TULP1: variants seen among roughly 807,000 people sequenced by gnomAD.
TULP1 encodes the protein TUB like protein 1, also known as tubby-related protein 1.
A neutral mutation model predicts 67.1 loss-of-function variants in TULP1; 50 were observed. That is an observed-to-expected ratio of 0.75 (90% CI 0.59 to 0.94). The LOEUF (loss-of-function observed/expected upper bound fraction) is 0.94, where lower values mean the gene tolerates loss of function less well. Among genes scored for constraint, TULP1 ranks in the 40% least tolerant of loss-of-function variants. The pLI, the probability that TULP1 is intolerant of heterozygous loss-of-function variation, is 0.00. For missense variants in TULP1, 746 were observed against 734.1 expected, an observed-to-expected ratio of 1.02 and a Z score of -0.19; for synonymous variants, 297 against 294.0, an observed-to-expected ratio of 1.01 and a Z score of -0.11.
In TULP1 at chr6:35,512,287, A is replaced by AAGAGG; in HGVS notation, c.100-22_100-18dup. On this transcript the variant is annotated splice_polypyrimidine_tract_variant and intron_variant, in intron 2 of 14. Transcript: ENST00000229771. ...GGCGGGTCGCTGCGGAACGGGGGTC[A>AAGAGG]AGAGGAGGTCGAGGAAGGAAAGGGG... The AAGAGG allele has an allele frequency of 7.3e-7, 1 of 1,364,058 alleles. No individual in the cohort carries two copies. Among genetic ancestry groups the AAGAGG allele is most frequent in the South Asian group, 1.8e-5 (1 of 54,704 alleles). 84.5% of individuals were successfully genotyped at this position (1,364,058 alleles called of 1,614,324 possible). A position where few individuals can be genotyped will look rare whatever the true frequency, so the allele number is the denominator to read the frequency against.
In TULP1 at chr6:35,503,880, G is replaced by A. The variant is rs1468499328; in HGVS notation, c.1113-32C>T. 6.5e-7 allele frequency: 1 copy of A among 1,543,552 alleles called. No homozygotes were observed. The highest frequency in any genetic ancestry group is 2.3e-5 in the East Asian group (1 of 43,120). ...GCAGGGTAGAGCTTGGGGTGGGGCT[G>A]AGGGGATCCTACATCCCTGCCCCAG... is the stretch of plus-strand genomic sequence containing the variant. On this transcript the variant is annotated intron_variant, in intron 11 of 14. Transcript: ENST00000229771. The surrounding 1 kb of genome is among the most constrained non-coding windows in gnomAD (Gnocchi z 4.0).
chr6:35,512,095 TC>T (rs2150928685), intron 3 of TULP1, 84 bp downstream of exon 3: 2 of 693,314 alleles, frequency 2.9e-6, no homozygotes, highest in South Asian at 5.0e-5. Context: ...GTTCCAGGGC[TC>T]GGCGACACCC....
chr6:35,506,175 T>G lies in TULP1; in HGVS notation c.829-2A>C. 6.2e-7 allele frequency: 1 copy of G among 1,613,430 alleles called. No homozygotes were observed. The highest frequency in any genetic ancestry group is 1.1e-5 in the South Asian group (1 of 91,066). ...GGGAGACGGGGCCCTCTCCTCCTTC[T>G]GGGTGGGGGCAGAGGGTACATCAGC... On this transcript the variant is annotated splice_acceptor_variant, in intron 9 of 14. Coordinates refer to ENST00000229771, the MANE Select transcript of TULP1 (RefSeq NM_003322.6). LOFTEE classifies it high-confidence loss of function.
At position 35,498,410 on chromosome 6, in the gene TULP1, G is replaced by C. The variant is rs1345275814; in HGVS notation, c.1546C>G (p.Leu516Val). The change falls in exon 15 of 15, where the codon CTA (leucine) becomes GTA (valine). Residue 516 changes from leucine (L) to valine (V), a missense_variant. This residue lies in a region of TULP1 where 383 missense variants were observed against 374.1 expected (regional missense o/e 1.02). Coordinates refer to ENST00000229771, the MANE Select transcript of TULP1 (RefSeq NM_003322.6). The surrounding 1 kb of genome is among the most constrained non-coding windows in gnomAD (Gnocchi z 6.7). ...GCGCACAGCGGGTACCGGTAGTCTA[G>C]GGTGAAGGCGTCCTCCGCCACGCGG... ...FGRVAEDAFTLDYRYPLCALQ... is the reference protein window; with the variant it reads ...FGRVAEDAFTVDYRYPLCALQ... 2 of 1,613,854 alleles carry C rather than the reference G, an allele frequency of 1.2e-6. No individual in the cohort carries two copies. Among genetic ancestry groups the C allele is most frequent in the African/African-American group, 1.3e-5 (1 of 74,950 alleles).
At position 35,505,989 on chromosome 6, in the gene TULP1, C is replaced by T. The variant is rs376466075; in HGVS notation, c.999+14G>A. Reference sequence around the variant, plus strand: ...CCCTCCACACTCCCTCCTCTGCTGCCTCTCCCCACCCACCTTCTTCTCCGT... The same window carrying T: ...CCCTCCACACTCCCTCCTCTGCTGCTTCTCCCCACCCACCTTCTTCTCCGT... On this transcript the variant is annotated intron_variant, in intron 10 of 14. Transcript: ENST00000229771. 1.1e-5 allele frequency: 17 copies of T among 1,614,010 alleles called. No individual in the cohort carries two copies. The highest frequency in any genetic ancestry group is 1.7e-5 in the Admixed American group (1 of 60,012).
At position 35,506,048 on chromosome 6, in the gene TULP1, T is replaced by C; in HGVS notation, c.954A>G (p.Arg318=). 6.2e-7 allele frequency: 1 copy of C among 1,613,858 alleles called. No homozygotes were observed. The highest frequency in any genetic ancestry group is 1.3e-5 in the African/African-American group (1 of 75,036). Residue 318 remains arginine (R), a synonymous_variant, in exon 10 of 15, where the codon CGA becomes CGG. Coordinates refer to ENST00000229771, the MANE Select transcript of TULP1 (RefSeq NM_003322.6). ...GCAGGAAGTAGGAGGGATACATGCC[T>C]CGATCCATGCCCTTTTTGTCCCGGG... is the stretch of plus-strand genomic sequence containing the variant. ...RLTRDKKGMD[R]GMYPSYFLHL...
In TULP1 at chr6:35,512,377, G is replaced by T. The variant is rs528758725; in HGVS notation, c.100-107C>A. The T allele has an allele frequency of 1.3e-4, 89 of 687,980 alleles. 3 individuals carry two copies. Among genetic ancestry groups the T allele is most frequent in the African/African-American group, 1.2e-3 (66 of 55,552 alleles). 42.6% of individuals were successfully genotyped at this position (687,980 alleles called of 1,614,324 possible). The stretch of plus-strand genomic sequence containing the variant: ...CGCCAGAAATAACCGCAGATTATCC[G>T]GGGGGAACTGCAGCCCCCTTCTTGG... On this transcript the variant is annotated intron_variant, in intron 2 of 14. Coordinates refer to ENST00000229771, the MANE Select transcript of TULP1 (RefSeq NM_003322.6).
At position 35,498,059 on chromosome 6, in the gene TULP1, G is replaced by T. The variant is rs114707578; in HGVS notation, c.*268C>A. 0.014 allele frequency: 8,047 copies of T among 594,542 alleles called. 327 individuals carry two copies. Among genetic ancestry groups the T allele is most frequent in the African/African-American group, 0.11 (6,044 of 53,758 alleles). The allele number at this position is 594,542 out of a possible 1,614,324, so 36.8% of individuals were successfully genotyped here. Reference sequence around the variant, plus strand: ...TGACTGGGGCGCGGGGAGGAGGGGGGCACAGCGGCGCAGGCGAGCTCCGAG... The same window carrying T: ...TGACTGGGGCGCGGGGAGGAGGGGGTCACAGCGGCGCAGGCGAGCTCCGAG... On this transcript the variant is annotated 3_prime_UTR_variant, in exon 15 of 15. Coordinates refer to ENST00000229771, the MANE Select transcript of TULP1 (RefSeq NM_003322.6). The surrounding 1 kb of genome is among the most constrained non-coding windows in gnomAD (Gnocchi z 6.7).
chr6:35,500,472 C>T (rs1279410018), intron 13 of TULP1, among the ~76,000 whole-genome samples: 3 of 152,144 alleles, frequency 2.0e-5, no homozygotes, highest in Admixed American at 6.5e-5. Context: ...TACCTAATGA[C>T]AGGATGAGCC....
At position 35,506,258 on chromosome 6, in the gene TULP1, C is replaced by T. The variant is rs1356387988; in HGVS notation, c.828+16G>A. ...TCCCAGTGCTGAGACACGGGCAGCCCGGCAGGACAACTCACCGCTTTCTGT... is the reference window on the plus strand; with the variant it reads ...TCCCAGTGCTGAGACACGGGCAGCCTGGCAGGACAACTCACCGCTTTCTGT... On this transcript the variant is annotated intron_variant, in intron 9 of 14. Transcript: ENST00000229771. 16 of 1,593,994 alleles carry T rather than the reference C, an allele frequency of 1.0e-5. No homozygotes were observed. The highest frequency in any genetic ancestry group is 1.8e-5 in the Admixed American group (1 of 56,200).
In TULP1 at chr6:35,512,656, G is replaced by A; in HGVS notation, c.82C>T (p.Pro28Ser). The part of the protein sequence containing the change: ...HEEESLSPEA[P>S]RRPKQRPAPA... ...TGGCATACCTGTTTGGGGCGCCGCG[G>A]GGCCTCCGGGCTCAGGCTTTCTTCT... Residue 28 changes from proline (P) to serine (S), a missense_variant, in exon 2 of 15, where the codon CCG becomes TCG. Around this residue, in one of 3 missense-constraint regions of TULP1, gnomAD observed 359 missense variants for 341.9 expected, o/e 1.05. Coordinates refer to ENST00000229771, the MANE Select transcript of TULP1 (RefSeq NM_003322.6). The A allele has an allele frequency of 6.2e-7, 1 of 1,613,926 alleles. No individual in the cohort carries two copies. The highest frequency in any genetic ancestry group is 8.5e-7 in the Non-Finnish European group (1 of 1,179,972).
chr6:35,511,066 G>A (rs1156284942), intron 4 of TULP1, 56 bp from the exon 5 acceptor site: 1 of 1,597,416 alleles, frequency 6.3e-7, no homozygotes, highest in South Asian at 1.1e-5. Flanking sequence ...CTTATCTGGG[G>A]AGCCCAGTTC....
chr6:35,503,665 G>A lies in TULP1; in HGVS notation c.1225-8C>T, dbSNP rs1761019533. 1 of 1,597,446 alleles carries A rather than the reference G, an allele frequency of 6.3e-7. No homozygotes were observed. The highest frequency in any genetic ancestry group is 1.7e-5 in the Admixed American group (1 of 57,602). ...GCCCAGCACGTTGGTTTCCTGGGAAGGAAACAGATGCCTGTGAGGCCAGCC... is the reference window on the plus strand; with the variant it reads ...GCCCAGCACGTTGGTTTCCTGGGAAAGAAACAGATGCCTGTGAGGCCAGCC... On this transcript the variant is annotated splice_polypyrimidine_tract_variant and splice_region_variant and intron_variant, in intron 12 of 14. Coordinates refer to ENST00000229771, the MANE Select transcript of TULP1 (RefSeq NM_003322.6). This position sits in a 1 kb window ranked among gnomAD's most constrained non-coding sequence, Gnocchi z 4.0.
At chr6:35,512,591 G>T in intron 2 of TULP1, 48 bp downstream of exon 2, 1 of 1,613,010 alleles carries the variant, frequency 6.2e-7, no homozygotes, top group Non-Finnish European at 8.5e-7. Context: ...GTGGGTTTAC[G>T]CACAGCGGGG....
At position 35,506,149 on chromosome 6, in the gene TULP1, G is replaced by T; in HGVS notation, c.853C>A (p.Pro285Thr). 6.2e-7 allele frequency: 1 copy of T among 1,613,552 alleles called. No homozygotes were observed. Among genetic ancestry groups the T allele is most frequent in the East Asian group, 2.2e-5 (1 of 44,882 alleles). Residue 285 changes from proline to threonine, a missense_variant, in exon 10 of 15, where the codon CCC becomes ACC. Physicochemically the swap from Pro to Thr is conservative, Grantham distance 38. Around this residue, in one of 3 missense-constraint regions of TULP1, gnomAD observed 383 missense variants for 374.1 expected, o/e 1.02. Transcript: ENST00000229771. ...TCCCGGGGTTCGTCCACCTCCACGGGGGGAGACGGGGCCCTCTCCTCCTTC... is the reference window on the plus strand; with the variant it reads ...TCCCGGGGTTCGTCCACCTCCACGGTGGGAGACGGGGCCCTCTCCTCCTTC... ...KAKEERAPSP[P>T]VEVDEPREFV...
chr6:35,503,535 G>A lies in TULP1; in HGVS notation c.1323+24C>T, dbSNP rs777008407. Reference sequence around the variant, plus strand: ...TCCTGTTTCTCACATAGGGAGCCAGGGGCCAGGGAGGTGCGGGGCTCACAT... The same window carrying A: ...TCCTGTTTCTCACATAGGGAGCCAGAGGCCAGGGAGGTGCGGGGCTCACAT... On this transcript the variant is annotated intron_variant, in intron 13 of 14. Transcript: ENST00000229771. The surrounding 1 kb of genome is among the most constrained non-coding windows in gnomAD (Gnocchi z 4.0). 9.0e-6 allele frequency: 14 copies of A among 1,551,912 alleles called. No individual in the cohort carries two copies. In the South Asian group the frequency reaches 1.3e-4, roughly 14 times the overall value.
At chr6:35,509,149 C>T in intron 8 of TULP1, 60 bp downstream of exon 8, 4 of 1,499,134 alleles carry the variant, frequency 2.7e-6, no homozygotes, top group Non-Finnish European at 3.7e-6. Context: ...GCTCCCAAGT[C>T]CAGGCCCCTG....
rs564743170 is a variant in TULP1, at chr6:35,503,604, A to G, written c.1278T>C (p.Pro426=). The G allele has an allele frequency of 2.1e-5, 34 of 1,596,988 alleles. No homozygotes were observed. The South Asian group carries it at 3.6e-4, about 17-fold the overall frequency. The change falls in exon 13 of 15, where the codon CCT becomes CCC. Residue 426 remains proline, a synonymous_variant. Transcript: ENST00000229771. The surrounding 1 kb of genome is among the most constrained non-coding windows in gnomAD (Gnocchi z 4.0). ...RGPRRMTVII[P]GMSAENERVP... is the part of the protein sequence containing the mutation. ...CCCTCTCGTTCTCCGCACTCATGCC[A>G]GGAATGATGACGGTCATGCGCCGGG...
chr6:35,506,958 C>T (rs1554125806), intron 8 of TULP1, among the ~76,000 whole-genome samples: 1 of 151,972 alleles, frequency 6.6e-6, no homozygotes, highest in Non-Finnish European at 1.5e-5. Context: ...TAATGAATAC[C>T]ATAGTCAAGA....
Sources: gnomAD v4.1 joint callset for allele counts (sites outside exome capture counted in the v4.1 genomes callset) on GRCh38, gnomAD v4.1.1 for gene constraint, gnomAD v4.1.1 regional missense constraint, Gnocchi (gnomAD v3.1) non-coding constraint, MANE v1.5 for transcripts, NCBI Gene and HGNC (gene_info 2026-07-23, HGNC 2026-07-21) for gene names.